The following ZBTB8B variants were observed in gnomAD, a reference collection of about 807,000 sequenced individuals.
ZBTB8B encodes zinc finger and BTB domain containing 8B.
In ZBTB8B, 17 loss-of-function variants were observed where a neutral mutation model predicts 30.3. That is an observed-to-expected ratio of 0.56 (90% CI 0.38 to 0.84). The LOEUF (loss-of-function observed/expected upper bound fraction) is 0.84. Ranked by LOEUF, ZBTB8B falls within the 40% of genes least tolerant of loss-of-function variation. The pLI, the probability that ZBTB8B is intolerant of heterozygous loss-of-function variation, is 0.00. For missense variants in ZBTB8B, 515 were observed against 644.9 expected, an observed-to-expected ratio of 0.80 and a Z score of 2.18; for synonymous variants, 248 against 255.6, an observed-to-expected ratio of 0.97 and a Z score of 0.28.
Position 32,485,285 on chromosome 1 carries a change from A to C in ZBTB8B, c.1355A>C (p.Gln452Pro). ...LSLVEASSESQEKSDTDNDWP... is the reference protein window; with the variant it reads ...LSLVEASSESPEKSDTDNDWP... ...TTGGTGGAGGCTTCATCTGAAAGCC[A>C]AGAAAAGAGCGACACAGACAATGAC... Residue 452 changes from glutamine (Q) to proline (P), a missense_variant, in exon 4 of 4, where the codon CAA (glutamine) becomes CCA (proline). Coordinates refer to ENST00000609129, the MANE Select transcript of ZBTB8B (RefSeq NM_001145720.2). The C allele has an allele frequency of 6.4e-7, 1 of 1,552,260 alleles. No homozygotes were observed. The highest frequency in any genetic ancestry group is 8.7e-7 in the Non-Finnish European group (1 of 1,147,124).
intron 2 of ZBTB8B, among the ~76,000 whole-genome samples, chr1:32,476,511 C>G (rs1292241283): frequency 6.6e-6 from 1 of 152,002 alleles, no homozygotes; most frequent in Non-Finnish European, 1.5e-5. Context: ...ACTCATGGTC[C>G]CCTCCCACCT....
intron 3 of ZBTB8B, among the ~76,000 whole-genome samples, chr1:32,482,956 G>A (rs916307054): frequency 3.3e-5 from 5 of 151,814 alleles, no homozygotes; most frequent in African/African-American, 9.7e-5. Context: ...CTAGGACTGC[G>A]CTAATTGTGG....
At chr1:32,466,550 TG>T (rs1333679949) in intron 1 of ZBTB8B, among the ~76,000 whole-genome samples, 9 of 151,934 alleles carry the variant, frequency 5.9e-5, no homozygotes, top group Non-Finnish European at 1.2e-4. Flanking sequence ...TTCAGGCAAA[TG>T]GGGGTGATAT....
chr1:32,493,109 C>T lies in ZBTB8B; in HGVS notation c.*7691C>T, dbSNP rs1374060685. On this transcript the variant is annotated 3_prime_UTR_variant, in exon 4 of 4. Coordinates refer to ENST00000609129, the MANE Select transcript of ZBTB8B (RefSeq NM_001145720.2). ...AAAATATATACTATACATAGAATAT[C>T]AGAATGTTGTAGTCTTTAGGAAATA... is the stretch of plus-strand genomic sequence containing the variant. 1.3e-5 allele frequency: 2 copies of T among 152,030 alleles called. No homozygotes were observed. Among genetic ancestry groups the T allele is most frequent in the African/African-American group, 4.8e-5 (2 of 41,404 alleles). 9.4% of individuals were successfully genotyped at this position (152,030 alleles called of 1,614,324 possible).
At position 32,485,364 on chromosome 1, in the gene ZBTB8B, T is replaced by C. The variant is rs1643737792; in HGVS notation, c.1434T>C (p.Ser478=). ...AAAATGACCCTGCTGGAGATGATTC[T>C]GATGACAAACCACAAATTCAGCCTA... The part of the protein sequence containing the change: ...GEENDPAGDD[S]DDKPQIQPNL... The change falls in exon 4 of 4, where the codon TCT becomes TCC. Residue 478 remains serine (S), a synonymous_variant. Transcript: ENST00000609129. 1 of 1,552,238 alleles carries C rather than the reference T, an allele frequency of 6.4e-7. No homozygotes were observed. Among genetic ancestry groups the C allele is most frequent in the Non-Finnish European group, 8.7e-7 (1 of 1,147,112 alleles).
chr1:32,485,911 G>A lies in ZBTB8B; in HGVS notation c.*493G>A, dbSNP rs1218023531. 6.2e-6 allele frequency: 1 copy of A among 160,456 alleles called. No individual in the cohort carries two copies. Among genetic ancestry groups the A allele is most frequent in the African/African-American group, 2.4e-5 (1 of 41,428 alleles). The allele number at this position is 160,456 out of a possible 1,614,324, so 9.9% of individuals were successfully genotyped here. A position where few individuals can be genotyped will look rare whatever the true frequency, so the allele number is the denominator to read the frequency against. ...GAGAAACCTTCATTGATATAAAGCA[G>A]GCAGGGCGGTCTGGCTACATGATCA... is the stretch of plus-strand genomic sequence containing the variant. On this transcript the variant is annotated 3_prime_UTR_variant, in exon 4 of 4. Coordinates refer to ENST00000609129, the MANE Select transcript of ZBTB8B (RefSeq NM_001145720.2).
At chr1:32,469,412 T>TTTTTAGTAGAGATGGTAG (rs1553170297) in intron 1 of ZBTB8B, among the ~76,000 whole-genome samples, 1 of 151,958 alleles carries the variant, frequency 6.6e-6, no homozygotes, top group East Asian at 1.9e-4. Flanking sequence ...GCCTGGCTAA[T>TTTTTAGTAGAGATGGTAG]TTTTAGTAGA....
intron 3 of ZBTB8B, among the ~76,000 whole-genome samples, chr1:32,482,886 G>C (rs544920433): frequency 6.6e-6 from 1 of 151,904 alleles, no homozygotes; most frequent in African/African-American, 2.4e-5. Context: ...ATGAAAAGAT[G>C]CTCAACATCA....
At chr1:32,477,682 C>A (rs1570258219) in intron 2 of ZBTB8B, among the ~76,000 whole-genome samples, 1 of 151,704 alleles carries the variant, frequency 6.6e-6, no homozygotes, top group Middle Eastern at 3.4e-3. Flanking sequence ...ATGGAGGATC[C>A]CTTAAGCCTA....
At chr1:32,469,669 G>C (rs565804893) in intron 1 of ZBTB8B, among the ~76,000 whole-genome samples, 1 of 152,302 alleles carries the variant, frequency 6.6e-6, no homozygotes, top group South Asian at 2.1e-4. Context: ...TTGAGTCCCA[G>C]ATCTGTTACA....
chr1:32,469,384 T>C (rs1158571336), intron 1 of ZBTB8B, among the ~76,000 whole-genome samples: 1 of 151,550 alleles, frequency 6.6e-6, no homozygotes, highest in Non-Finnish European at 1.5e-5. Context: ...TAGCTGGGAC[T>C]CAGGTACCCG....
At chr1:32,468,492 G>A (rs1048281157) in intron 1 of ZBTB8B, among the ~76,000 whole-genome samples, 9 of 152,110 alleles carry the variant, frequency 5.9e-5, no homozygotes, top group Non-Finnish European at 5.9e-5. Flanking sequence ...GCTTGAGGAT[G>A]GCACCAGCTT....
At position 32,471,547 on chromosome 1, in the gene ZBTB8B, C is replaced by T; in HGVS notation, c.923C>T (p.Pro308Leu). The T allele has an allele frequency of 6.4e-7, 1 of 1,551,764 alleles. No homozygotes were observed. The change falls in exon 2 of 4, where the codon CCA becomes CTA. Residue 308 changes from proline to leucine, a missense_variant. Around this residue, in one of 3 missense-constraint regions of ZBTB8B, gnomAD observed 429 missense variants for 504.3 expected, o/e 0.85. Coordinates refer to ENST00000609129, the MANE Select transcript of ZBTB8B (RefSeq NM_001145720.2). ...HHFSRSLEGRPEGAGVAMSSM... is the reference protein window; with the variant it reads ...HHFSRSLEGRLEGAGVAMSSM... ...TTTTCTAGGAGTTTGGAAGGAAGAC[C>T]AGAAGGTGCAGGAGTAGCCATGAGT...
chr1:32,472,774 G>A (rs187153545), intron 2 of ZBTB8B, among the ~76,000 whole-genome samples: 20 of 152,182 alleles, frequency 1.3e-4, no homozygotes, highest in Non-Finnish European at 2.4e-4. Context: ...ATACCGCCAC[G>A]CCCAGCTAGT....
At chr1:32,476,331 T>C (rs1427247360) in intron 2 of ZBTB8B, among the ~76,000 whole-genome samples, 1 of 152,052 alleles carries the variant, frequency 6.6e-6, no homozygotes, top group Non-Finnish European at 1.5e-5. Flanking sequence ...TTCTTTTAAA[T>C]TTTTATTCCC....
At chr1:32,473,978 G>A (rs1643643197) in intron 2 of ZBTB8B, among the ~76,000 whole-genome samples, 1 of 151,960 alleles carries the variant, frequency 6.6e-6, no homozygotes, top group Non-Finnish European at 1.5e-5. Context: ...AGCCTCCCGA[G>A]TAGCTGGGAT....
rs1453624414 is a variant in ZBTB8B at position 32,490,182 on chromosome 1, A to G, written c.*4764A>G. 1 of 152,180 alleles carries G rather than the reference A, an allele frequency of 6.6e-6. No individual in the cohort carries two copies. Among genetic ancestry groups the G allele is most frequent in the East Asian group, 1.9e-4 (1 of 5,200 alleles). The allele number at this position is 152,180 out of a possible 1,614,324, so 9.4% of individuals were successfully genotyped here. ...TGTGTGTCCCTTGTGCATTAAGAGA[A>G]TGATCTCTGTGAAGTCTAGTGTAAT... is the stretch of plus-strand genomic sequence containing the variant. On this transcript the variant is annotated 3_prime_UTR_variant, in exon 4 of 4. Coordinates refer to ENST00000609129, the MANE Select transcript of ZBTB8B (RefSeq NM_001145720.2).
rs1027912531 is a variant in ZBTB8B at position 32,471,207 on chromosome 1, G to A, written c.583G>A (p.Gly195Ser). 2.6e-6 allele frequency: 4 copies of A among 1,551,800 alleles called. No homozygotes were observed. The African/African-American group carries it at 4.1e-5, about 16-fold the overall frequency. ...GGAGTGCCTGAGAGAGTCCCCTTGC[G>A]GTGACTGCGGAGACTGCCACCCCTT... The part of the protein sequence containing the change: ...SVECLRESPC[G>S]DCGDCHPLEL... The change falls in exon 2 of 4, where the codon GGT becomes AGT. Residue 195 changes from glycine to serine, a missense_variant. Coordinates refer to ENST00000609129, the MANE Select transcript of ZBTB8B (RefSeq NM_001145720.2).
rs12023137 is a variant in ZBTB8B, at chr1:32,485,035, C to A, written c.1171-66C>A. ...AGGATCAGGCAGGGGCCAGATCACA[C>A]GGGGCCTTGTGGAAAACACTCATCT... On this transcript the variant is annotated intron_variant, in intron 3 of 3. Transcript: ENST00000609129. 6.1e-6 allele frequency: 9 copies of A among 1,481,306 alleles called. No homozygotes were observed. The East Asian group carries it at 2.0e-4, about 33-fold the overall frequency. The allele number at this position is 1,481,306 out of a possible 1,614,324, so 91.8% of individuals were successfully genotyped here.
Sources: gnomAD v4.1 joint callset for allele counts (sites outside exome capture counted in the v4.1 genomes callset) on GRCh38, gnomAD v4.1.1 for gene constraint, gnomAD v4.1.1 regional missense constraint, MANE v1.5 for transcripts, NCBI Gene and HGNC (gene_info 2026-07-23, HGNC 2026-07-21) for gene names.